MYO7A: variants seen among roughly 807,000 people sequenced by gnomAD.
MYO7A encodes myosin VIIA.
MYO7A carries 210 observed loss-of-function variants against 263.8 expected under a neutral mutation model. That is an observed-to-expected ratio of 0.80 (90% CI 0.71 to 0.89). MYO7A has a LOEUF of 0.89. Among genes scored for constraint, MYO7A ranks in the 40% least tolerant of loss-of-function variants. The pLI, the probability that MYO7A is intolerant of heterozygous loss-of-function variation, is 0.00. For synonymous variants in MYO7A, 1,239 were observed against 1,197.3 expected, an observed-to-expected ratio of 1.03 and a Z score of -0.72; for missense variants, 2,820 against 2,968.3, an observed-to-expected ratio of 0.95 and a Z score of 1.16.
Position 77,160,977 on chromosome 11 carries a change from T to C in MYO7A, c.1205T>C (p.Ile402Thr), listed in dbSNP as rs782200577. Reference sequence around the variant, plus strand: ...TGGCTGATCACTGCCTTTCAGGGGATCTACGGGCGGCTGTTCGTGTGGATT... The same window carrying C: ...TGGCTGATCACTGCCTTTCAGGGGACCTACGGGCGGCTGTTCGTGTGGATT... The part of the protein sequence containing the change: ...LDVRDAFVKG[I>T]YGRLFVWIVD... Residue 402 changes from isoleucine to threonine, a missense_variant, in exon 12 of 49, where the codon ATC becomes ACC. Ile to Thr is a moderately conservative substitution (Grantham distance 89). Transcript: ENST00000409709. 2 of 1,600,544 alleles carry C rather than the reference T, an allele frequency of 1.2e-6. No homozygotes were observed. Among genetic ancestry groups the C allele is most frequent in the Non-Finnish European group, 1.7e-6 (2 of 1,174,208 alleles).
chr11:77,209,013 A>G (rs1371414235), intron 44 of MYO7A: 5 of 578,640 alleles, frequency 8.6e-6, no homozygotes, highest in Non-Finnish European at 1.5e-5. Context: ...GGGGCTTGAC[A>G]GTTCCTCCTC....
chr11:77,137,945 G>A (rs1212625693), intron 2 of MYO7A, among the ~76,000 whole-genome samples: 2 of 152,140 alleles, frequency 1.3e-5, no homozygotes, highest in Non-Finnish European at 2.9e-5. Context: ...AGTTTACCGC[G>A]TTCTAGTCCA....
intron 32 of MYO7A, among the ~76,000 whole-genome samples, chr11:77,194,951 T>C (rs1956521985): frequency 6.6e-6 from 1 of 152,116 alleles, no homozygotes; most frequent in African/African-American, 2.4e-5. Context: ...CCCAGGCCCA[T>C]GACCAGCCAT....
At chr11:77,169,553 C>A (rs1953887334) in intron 15 of MYO7A, among the ~76,000 whole-genome samples, 1 of 152,148 alleles carries the variant, frequency 6.6e-6, no homozygotes. Flanking sequence ...TCCACCTTTA[C>A]CCCATCCCCA....
At chr11:77,189,910 G>A in intron 28 of MYO7A, 110 bp from the exon 29 acceptor site, 1 of 1,431,758 alleles carries the variant, frequency 7.0e-7, no homozygotes, top group Non-Finnish European at 9.2e-7. Context: ...GCCACAGAAA[G>A]CAACCTGGCC....
chr11:77,211,290 G>T lies in MYO7A; in HGVS notation c.6190G>T (p.Val2064Leu). ...CATCCCCAAGCTGCTGCGGGAGCTG[G>T]TGCCCCAGGACCTTATCCGGCAGGT... is the stretch of plus-strand genomic sequence containing the variant. ...PSIPKLLREL[V>L]PQDLIRQVSP... The change falls in exon 45 of 49, where the codon GTG (valine) becomes TTG (leucine). Residue 2064 changes from valine (V) to leucine (L), a missense_variant. By Grantham distance (32) the Val-to-Leu change is conservative. Transcript: ENST00000409709. 1 of 1,582,618 alleles carries T rather than the reference G, an allele frequency of 6.3e-7. No individual in the cohort carries two copies. Among genetic ancestry groups the T allele is most frequent in the Non-Finnish European group, 8.6e-7 (1 of 1,164,628 alleles).
Position 77,160,233 on chromosome 11 carries a change from C to T in MYO7A, c.1151C>T (p.Thr384Ile). ...ATCACCCGCGGGGAGACGGTGTCCA[C>T]CCCACTGAGCAGGGAACAGGCACTG... Reference protein sequence around the residue: ...TLITRGETVSTPLSREQALDV... With the variant: ...TLITRGETVSIPLSREQALDV... Residue 384 changes from threonine (T) to isoleucine (I), a missense_variant, in exon 11 of 49, where the codon ACC (threonine) becomes ATC (isoleucine). Coordinates refer to ENST00000409709, the MANE Select transcript of MYO7A (RefSeq NM_000260.4). 2 of 1,580,818 alleles carry T rather than the reference C, an allele frequency of 1.3e-6. No homozygotes were observed. Among genetic ancestry groups the T allele is most frequent in the Non-Finnish European group, 8.6e-7 (1 of 1,164,014 alleles).
intron 2 of MYO7A, among the ~76,000 whole-genome samples, chr11:77,136,483 T>A (rs1950908027): frequency 6.6e-6 from 1 of 152,126 alleles, no homozygotes; most frequent in Non-Finnish European, 1.5e-5. Flanking sequence ...CTTTACAATC[T>A]CTTCCCTCTC....
At chr11:77,167,284 C>T (rs571357578) in intron 15 of MYO7A, among the ~76,000 whole-genome samples, 3 of 152,112 alleles carry the variant, frequency 2.0e-5, no homozygotes, top group South Asian at 2.1e-4. Context: ...GGGACTCGAA[C>T]GCAGGTCTCC....
rs11237122 is a variant in MYO7A, at chr11:77,208,958, T to C, written c.6051+155T>C. The C allele has an allele frequency of 0.56, 358,546 of 640,508 alleles. 101,743 individuals are homozygous for C. Among genetic ancestry groups the C allele is most frequent in the Admixed American group, 0.64 (26,108 of 40,494 alleles). The allele number at this position is 640,508 out of a possible 1,614,324, so 39.7% of individuals were successfully genotyped here. On this transcript the variant is annotated intron_variant, in intron 44 of 48. Transcript: ENST00000409709. ...CCAAGACCACTGGAGCCCCAAGGGATGGCCCAACCCCTGATCCTTGTATCT... is the reference window on the plus strand; with the variant it reads ...CCAAGACCACTGGAGCCCCAAGGGACGGCCCAACCCCTGATCCTTGTATCT...
chr11:77,196,433 T>C (rs1269476446), intron 32 of MYO7A, among the ~76,000 whole-genome samples: 2 of 152,148 alleles, frequency 1.3e-5, no homozygotes, highest in Non-Finnish European at 2.9e-5. Context: ...GTGAGGACTT[T>C]AATACGCAAA....
chr11:77,191,937 C>T, intron 30 of MYO7A, 114 bp from the exon 31 acceptor site: 1 of 912,390 alleles, frequency 1.1e-6, no homozygotes, highest in East Asian at 2.7e-5. Context: ...TTGGACGTGT[C>T]CCTGCCCCTC....
chr11:77,156,826 G>T, intron 6 of MYO7A, 36 bp from the exon 7 acceptor site: 1 of 1,613,998 alleles, frequency 6.2e-7, no homozygotes, highest in African/African-American at 1.3e-5. Flanking sequence ...TGGGGCGGGA[G>T]CGGGCTTTGC....
chr11:77,146,546 T>A (rs1555053778), intron 3 of MYO7A, among the ~76,000 whole-genome samples: 1 of 152,042 alleles, frequency 6.6e-6, no homozygotes, highest in Non-Finnish European at 1.5e-5. Context: ...CAGGACTGGG[T>A]GACCTGTTGG....
At chr11:77,157,798 G>A (rs1056239168) in intron 8 of MYO7A, among the ~76,000 whole-genome samples, 3 of 152,168 alleles carry the variant, frequency 2.0e-5, no homozygotes, top group Non-Finnish European at 2.9e-5. Context: ...TGGCACACAC[G>A]TGCACACACA....
In MYO7A at chr11:77,160,980, A is replaced by G. The variant is rs797044511; in HGVS notation, c.1208A>G (p.Tyr403Cys). The part of the protein sequence containing the change: ...DVRDAFVKGI[Y>C]GRLFVWIVDK... ...CTGATCACTGCCTTTCAGGGGATCT[A>G]CGGGCGGCTGTTCGTGTGGATTGTG... The change falls in exon 12 of 49, where the codon TAC (tyrosine) becomes TGC (cysteine). Residue 403 changes from tyrosine (Y) to cysteine (C), a missense_variant. Coordinates refer to ENST00000409709, the MANE Select transcript of MYO7A (RefSeq NM_000260.4). The G allele has an allele frequency of 6.2e-7, 1 of 1,602,450 alleles. No individual in the cohort carries two copies. Among genetic ancestry groups the G allele is most frequent in the Non-Finnish European group, 8.5e-7 (1 of 1,175,094 alleles).
intron 14 of MYO7A, 137 bp downstream of exon 14, chr11:77,163,125 T>A: frequency 1.1e-6 from 1 of 923,072 alleles, no homozygotes; most frequent in Non-Finnish European, 1.5e-6. Flanking sequence ...TATATGAACT[T>A]GACTAAAATG....
At chr11:77,200,771 C>G (rs1308941471) in intron 35 of MYO7A, among the ~76,000 whole-genome samples, 1 of 152,228 alleles carries the variant, frequency 6.6e-6, no homozygotes, top group African/African-American at 2.4e-5. Flanking sequence ...TACTCATCTC[C>G]TGTCAGCTCT....
chr11:77,164,108 G>A (rs2135324736), intron 14 of MYO7A, among the ~76,000 whole-genome samples: 1 of 152,292 alleles, frequency 6.6e-6, no homozygotes, highest in Non-Finnish European at 1.5e-5. Context: ...TGAAGACCGT[G>A]CATCTTCTTT....
Sources: gnomAD v4.1 joint callset for allele counts (sites outside exome capture counted in the v4.1 genomes callset) on GRCh38, gnomAD v4.1.1 for gene constraint, MANE v1.5 for transcripts, NCBI Gene and HGNC (gene_info 2026-07-23, HGNC 2026-07-21) for gene names.